Variants in CNTNAP5 observed in about 807,000 individuals in gnomAD.
CNTNAP5 encodes the protein contactin-associated protein-like 5.
Under a neutral mutation model 150.2 loss-of-function variants are expected in CNTNAP5, and 72 were observed. The ratio of observed to expected loss-of-function variants is 0.48; its 90% confidence interval spans 0.40 to 0.58. The LOEUF (loss-of-function observed/expected upper bound fraction) is 0.58, where lower values mean the gene tolerates loss of function less well. Among genes scored for constraint, CNTNAP5 ranks in the 20% least tolerant of loss-of-function variants. CNTNAP5 has a pLI of 0.00. For missense variants in CNTNAP5, 1,636 were observed against 1,626.2 expected (o/e 1.01, Z -0.10); for synonymous variants, 672 against 619.8 (o/e 1.08, Z -1.25).
chr2:124,199,986 G>T (rs972683579), intron 1 of CNTNAP5, among the ~76,000 whole-genome samples: 9 of 152,002 alleles, frequency 5.9e-5, no homozygotes, highest in Non-Finnish European at 1.2e-4. Context: ...TACTTTGCTG[G>T]CTCGGACCTC....
At chr2:124,365,028 T>C (rs1037640259) in intron 3 of CNTNAP5, among the ~76,000 whole-genome samples, 6 of 152,178 alleles carry the variant, frequency 3.9e-5, no homozygotes, top group Non-Finnish European at 7.3e-5. Flanking sequence ...ATAGAACTCT[T>C]CTTCATGGTT....
chr2:124,476,876 A>C (rs1693652135), intron 7 of CNTNAP5, among the ~76,000 whole-genome samples: 1 of 152,084 alleles, frequency 6.6e-6, no homozygotes, highest in Non-Finnish European at 1.5e-5. Flanking sequence ...GCAGTCTTTT[A>C]ATGGCAATTT....
At chr2:124,510,301 C>CTATATATATATATCGATATATCTA (rs368230554) in intron 8 of CNTNAP5, among the ~76,000 whole-genome samples, 1 of 106,056 alleles carries the variant, frequency 9.4e-6, no homozygotes, top group Non-Finnish European at 1.8e-5. Context: ...ATCTATATAT[C>CTATATATATATATCGATATATCTA]TATATATATA....
chr2:124,039,860 T>C (rs1355398330), intron 1 of CNTNAP5, among the ~76,000 whole-genome samples: 1 of 152,176 alleles, frequency 6.6e-6, no homozygotes, highest in Non-Finnish European at 1.5e-5. Context: ...CACATATATA[T>C]GCATGCTCAG....
chr2:124,283,703 A>G (rs766480696), intron 3 of CNTNAP5, among the ~76,000 whole-genome samples: 1 of 152,192 alleles, frequency 6.6e-6, no homozygotes, highest in Non-Finnish European at 1.5e-5. Flanking sequence ...CTTATAAGCA[A>G]TATATTTATT....
intron 13 of CNTNAP5, among the ~76,000 whole-genome samples, chr2:124,653,550 A>C (rs192169186): frequency 8.5e-5 from 13 of 152,246 alleles, no homozygotes; most frequent in African/African-American, 2.9e-4. Flanking sequence ...CAGCTCTGTA[A>C]ATACACTTGT....
intron 1 of CNTNAP5, among the ~76,000 whole-genome samples, chr2:124,098,697 G>A (rs556183760): frequency 1.3e-5 from 2 of 152,162 alleles, no homozygotes; most frequent in South Asian, 4.2e-4. Flanking sequence ...ACCAGAGCCT[G>A]AGCCGTACTC....
intron 1 of CNTNAP5, among the ~76,000 whole-genome samples, chr2:124,041,633 G>A (rs983997272): frequency 1.3e-5 from 2 of 152,106 alleles, no homozygotes; most frequent in Admixed American, 1.3e-4. Context: ...ATATGGTAGG[G>A]TCTGGAGACA....
chr2:124,390,897 G>A (rs933282132), intron 3 of CNTNAP5, among the ~76,000 whole-genome samples: 2 of 152,146 alleles, frequency 1.3e-5, no homozygotes, highest in African/African-American at 4.8e-5. Flanking sequence ...GCAGAAGACT[G>A]GAATTGAGAA....
chr2:124,124,377 G>A lies in CNTNAP5; in HGVS notation c.83-97328G>A, dbSNP rs182506512. On this transcript the variant is annotated intron_variant, in intron 1 of 23. Transcript: ENST00000682447. ...AGTTTAGAGAAAAAAAGAGTAAGAA[G>A]AAATGAACAAAGCCTCCAAGAAATA... 3.8e-3 allele frequency among the ~76,000 whole-genome samples: 571 copies of A among 152,262 alleles called. 3 individuals are homozygous for A. The highest frequency in any genetic ancestry group is 0.013 in the African/African-American group (552 of 41,546).
rs1278414056 is a variant in CNTNAP5 at position 124,380,911 on chromosome 2, G to T, written c.382-36532G>T. On this transcript the variant is annotated intron_variant, in intron 3 of 23. Transcript: ENST00000682447. ...ATAATGATATGTGTCACGCAAAAAA[G>T]TAAGCTACTAGTTAATATAATAGAG... Among the ~76,000 whole-genome samples the T allele has an allele frequency of 2.0e-5, 3 of 152,124 alleles. No individual in the cohort carries two copies. In the East Asian group the frequency reaches 5.8e-4, roughly 29 times the overall value.
chr2:124,689,148 C>A lies in CNTNAP5; in HGVS notation c.2077+41190C>A, dbSNP rs1439309439. ...ATGCCACCACGCCCAGCTCAGTAGA[C>A]ATTTATCAAATATTTACTCTTTCCT... On this transcript the variant is annotated intron_variant, in intron 13 of 23. Coordinates refer to ENST00000682447, the MANE Select transcript of CNTNAP5 (RefSeq NM_001367498.1). Among the ~76,000 whole-genome samples, 3 of 152,250 alleles carry A rather than the reference C, an allele frequency of 2.0e-5. No individual in the cohort carries two copies. The East Asian group carries it at 5.8e-4, about 29-fold the overall frequency.
At chr2:124,297,755 A>G (rs542168126) in intron 3 of CNTNAP5, among the ~76,000 whole-genome samples, 1 of 151,614 alleles carries the variant, frequency 6.6e-6, no homozygotes, top group African/African-American at 2.4e-5. Context: ...TTCCATTATC[A>G]GGCTCCTTGC....
At chr2:124,501,760 A>G (rs2104860402) in intron 7 of CNTNAP5, among the ~76,000 whole-genome samples, 1 of 152,326 alleles carries the variant, frequency 6.6e-6, no homozygotes, top group African/African-American at 2.4e-5. Context: ...CTGTCAGAAT[A>G]GTGGCACACA....
At chr2:124,831,841 C>T (rs1682723103) in intron 19 of CNTNAP5, among the ~76,000 whole-genome samples, 1 of 151,852 alleles carries the variant, frequency 6.6e-6, no homozygotes, top group African/African-American at 2.4e-5. Context: ...GCCTAGATTA[C>T]TTATGAAAAC....
At chr2:124,589,408 T>A (rs1001119668) in intron 11 of CNTNAP5, among the ~76,000 whole-genome samples, 1 of 152,216 alleles carries the variant, frequency 6.6e-6, no homozygotes, top group African/African-American at 2.4e-5. Context: ...AAATACCACA[T>A]TTGTTTATCC....
At chr2:124,678,790 G>C (rs1678999934) in intron 13 of CNTNAP5, among the ~76,000 whole-genome samples, 1 of 151,828 alleles carries the variant, frequency 6.6e-6, no homozygotes, top group African/African-American at 2.4e-5. Flanking sequence ...CTTTATTCCA[G>C]ATCCAATTGC....
intron 3 of CNTNAP5, among the ~76,000 whole-genome samples, chr2:124,304,509 A>G (rs1317882844): frequency 6.6e-6 from 1 of 152,198 alleles, no homozygotes; most frequent in East Asian, 1.9e-4. Context: ...TCTGATGGCA[A>G]TGATAAGTAA....
In CNTNAP5 at chr2:124,421,517, C is replaced by G. The variant is rs370798224; in HGVS notation, c.529+3927C>G. On this transcript the variant is annotated intron_variant, in intron 4 of 23. Transcript: ENST00000682447. ...CCAACAGGTATCTTAAATCCATGTA[C>G]TTCTCCCACTTTTGTGAGTAGAAGC... 2.2e-4 allele frequency among the ~76,000 whole-genome samples: 33 copies of G among 152,302 alleles called. No homozygotes were observed. In the South Asian group the frequency reaches 6.8e-3, roughly 32 times the overall value.
Sources: allele counts gnomAD v4.1 joint callset (sites outside exome capture counted in the v4.1 genomes callset), GRCh38; gene constraint gnomAD v4.1.1; transcripts MANE v1.5; gene names NCBI Gene and HGNC (gene_info 2026-07-23, HGNC 2026-07-21).